The following SNX8 variants were observed in gnomAD, a reference collection of about 807,000 sequenced individuals.
The protein encoded by SNX8 is sorting nexin 8.
Under a neutral mutation model 51.6 loss-of-function variants are expected in SNX8, and 25 were observed. That is an observed-to-expected ratio of 0.48 (90% CI 0.35 to 0.68). SNX8 has a LOEUF of 0.68. SNX8 is among the 30% of genes least tolerant of loss of function. The probability of loss-of-function intolerance (pLI) is 0.00; values close to 1 mark genes in which losing one functional copy is unlikely to be tolerated. For missense variants in SNX8, 695 were observed against 624.0 expected (o/e 1.11, Z -1.21); for synonymous variants, 324 against 277.0 (o/e 1.17, Z -1.68).
intron 1 of SNX8, among the ~76,000 whole-genome samples, chr7:2,305,727 T>C (rs1796530245): frequency 6.6e-6 from 1 of 152,054 alleles, no homozygotes; most frequent in Non-Finnish European, 1.5e-5. Context: ...ATAAAACTTC[T>C]ATGAACACTC....
upstream of SNX8, among the ~76,000 whole-genome samples, chr7:2,317,474 A>G (rs1354933116): frequency 6.6e-6 from 1 of 150,832 alleles, no homozygotes; most frequent in Non-Finnish European, 1.5e-5. Context: ...ATGGGTTTTC[A>G]CCATGTTGGC....
intron 1 of SNX8, among the ~76,000 whole-genome samples, chr7:2,284,469 T>G (rs1180432727): frequency 5.1e-5 from 7 of 138,372 alleles, no homozygotes; most frequent in African/African-American, 1.9e-4. Flanking sequence ...TGGTGCAATC[T>G]CAGTTCACTG....
Position 2,308,602 on chromosome 7 carries a change from G to T in SNX8, c.94+5726C>A, listed in dbSNP as rs570751816. On this transcript the variant is annotated intron_variant, in intron 1 of 10. Transcript: ENST00000222990. ...AGTCACTTGAACCTAGGAGATGGAG[G>T]TTGCAGTGAGGCTAGATGGCACCAC... Among the ~76,000 whole-genome samples the T allele has an allele frequency of 6.1e-5, 9 of 148,264 alleles. No homozygotes were observed. The South Asian group carries it at 1.9e-3, about 32-fold the overall frequency.
intron 1 of SNX8, among the ~76,000 whole-genome samples, chr7:2,298,514 C>T (rs1302555701): frequency 6.6e-6 from 1 of 151,752 alleles, no homozygotes; most frequent in African/African-American, 2.4e-5. Flanking sequence ...GGATTACAGG[C>T]ATGCACCAGC....
chr7:2,350,500 G>T (rs11767378), intron 1 of SNX8, among the ~76,000 whole-genome samples: 55,469 of 152,100 alleles, frequency 0.36, 10,986 homozygotes, highest in East Asian at 0.66. Flanking sequence ...AGAGTTTTGA[G>T]GGAAATTAAA....
intron 1 of SNX8, among the ~76,000 whole-genome samples, chr7:2,313,258 G>A (rs921414850): frequency 2.0e-5 from 3 of 151,948 alleles, no homozygotes; most frequent in African/African-American, 7.2e-5. Context: ...AGGCGCGGTG[G>A]CTCACGCCTG....
intron 1 of SNX8, among the ~76,000 whole-genome samples, chr7:2,306,916 G>A (rs1796556382): frequency 6.6e-6 from 1 of 152,048 alleles, no homozygotes; most frequent in African/African-American, 2.4e-5. Context: ...AACGTAACTG[G>A]GCTTCTTGAA....
chr7:2,301,458 G>A (rs1796391654), intron 1 of SNX8, among the ~76,000 whole-genome samples: 1 of 152,232 alleles, frequency 6.6e-6, no homozygotes, highest in Admixed American at 6.5e-5. Flanking sequence ...TGAAGCAGCA[G>A]CACGCACAGC....
chr7:2,303,588 CTT>C (rs1796466322), intron 1 of SNX8, among the ~76,000 whole-genome samples: 1 of 152,172 alleles, frequency 6.6e-6, no homozygotes. Flanking sequence ...ACATGGGAGA[CTT>C]TTCATTTTGT....
Position 2,267,299 on chromosome 7 carries a change from G to GCCCTCT in SNX8, c.621+2254_621+2259dup, listed in dbSNP as rs1187322525. On this transcript the variant is annotated intron_variant, in intron 5 of 10. Coordinates refer to ENST00000222990, the MANE Select transcript of SNX8 (RefSeq NM_013321.4). ...TCTTCAAAGTTAGAAAAATACCTTG[G>GCCCTCT]CCCTCTCCCTCCCCCTCCCCCTCCC... Among the ~76,000 whole-genome samples the GCCCTCT allele has an allele frequency of 3.3e-4, 48 of 145,480 alleles. 1 individual carries two copies. The highest frequency in any genetic ancestry group is 6.5e-4 in the Non-Finnish European group (43 of 66,318).
At chr7:2,304,185 G>C (rs574909040) in intron 1 of SNX8, among the ~76,000 whole-genome samples, 2 of 142,014 alleles carry the variant, frequency 1.4e-5, no homozygotes, top group South Asian at 2.2e-4. Context: ...AAAAAAAAGA[G>C]AGTTGGGGAT....
chr7:2,339,487 T>C (rs1304345144), intron 1 of SNX8, among the ~76,000 whole-genome samples: 1 of 151,982 alleles, frequency 6.6e-6, no homozygotes, highest in Non-Finnish European at 1.5e-5. Context: ...GGGAGAAAAT[T>C]ATAAAACTTT....
chr7:2,337,860 A>G (rs1778858207), intron 1 of SNX8, among the ~76,000 whole-genome samples: 2 of 151,674 alleles, frequency 1.3e-5, no homozygotes, highest in Non-Finnish European at 2.9e-5. Context: ...TGTAAAAAAA[A>G]AAAAAAGGGA....
At chr7:2,313,482 C>T (rs1346996587) in intron 1 of SNX8, among the ~76,000 whole-genome samples, 2 of 148,154 alleles carry the variant, frequency 1.3e-5, no homozygotes, top group Non-Finnish European at 3.0e-5. Flanking sequence ...GCCGAGATCG[C>T]ACCATTGCAC....
intron 7 of SNX8, among the ~76,000 whole-genome samples, chr7:2,261,002 A>C (rs1186048952): frequency 6.6e-6 from 1 of 152,236 alleles, no homozygotes; most frequent in Non-Finnish European, 1.5e-5. Context: ...GCAGAGCCCC[A>C]GGGCACTCTG....
intron 1 of SNX8, among the ~76,000 whole-genome samples, chr7:2,329,819 T>G (rs1778696874): frequency 7.1e-6 from 1 of 140,812 alleles, no homozygotes; most frequent in Non-Finnish European, 1.5e-5. Flanking sequence ...CATCCATATT[T>G]TTTGCAATGT....
At chr7:2,285,713 C>T (rs1333685797) in intron 1 of SNX8, among the ~76,000 whole-genome samples, 3 of 152,136 alleles carry the variant, frequency 2.0e-5, no homozygotes, top group Admixed American at 6.5e-5. Context: ...GTTGCCTAGG[C>T]TGGAATGCAG....
chr7:2,290,597 A>G (rs777552463), intron 1 of SNX8, among the ~76,000 whole-genome samples: 3 of 152,240 alleles, frequency 2.0e-5, no homozygotes, highest in Non-Finnish European at 2.9e-5. Flanking sequence ...AATTTAATTC[A>G]CGTGAGCAAG....
chr7:2,289,240 C>T (rs1395010873), intron 1 of SNX8, among the ~76,000 whole-genome samples: 2 of 152,150 alleles, frequency 1.3e-5, no homozygotes, highest in Non-Finnish European at 2.9e-5. Flanking sequence ...CAGCACCTCC[C>T]TGTTCCACAC....
Sources: allele counts gnomAD v4.1 joint callset (sites outside exome capture counted in the v4.1 genomes callset), GRCh38; gene constraint gnomAD v4.1.1; transcripts MANE v1.5; gene names NCBI Gene and HGNC (gene_info 2026-07-23, HGNC 2026-07-21).